TULP4: variants seen among roughly 807,000 people sequenced by gnomAD.
TULP4 encodes the protein TUB like protein 4, also known as tubby-related protein 4.
A neutral mutation model predicts 129.0 loss-of-function variants in TULP4; 16 were observed. The ratio of observed to expected loss-of-function variants is 0.12; its 90% confidence interval spans 0.08 to 0.19. TULP4 has a LOEUF of 0.19. Among genes scored for constraint, TULP4 ranks in the 10% least tolerant of loss-of-function variants. The probability of loss-of-function intolerance (pLI) is 1.00; values close to 1 mark genes in which losing one functional copy is unlikely to be tolerated. For synonymous variants in TULP4, 998 were observed against 854.0 expected, an observed-to-expected ratio of 1.17 and a Z score of -2.94; for missense variants, 1,842 against 2,059.1, an observed-to-expected ratio of 0.89 and a Z score of 2.04.
At position 158,493,678 on chromosome 6, in the gene TULP4, C is replaced by A; in HGVS notation, c.1737C>A (p.Ser579Arg). ...GCAAGCCCTCTGTGGGCTCGCCCAGCCTGACTCGGAGAGAGTTTCCTTTTG... is the reference window on the plus strand; with the variant it reads ...GCAAGCCCTCTGTGGGCTCGCCCAGACTGACTCGGAGAGAGTTTCCTTTTG... Reference protein sequence around the residue: ...PLRKPSVGSPSLTRREFPFED... With the variant: ...PLRKPSVGSPRLTRREFPFED... Residue 579 changes from serine to arginine, a missense_variant, in exon 10 of 14, where the codon AGC becomes AGA. By Grantham distance (110) the Ser-to-Arg change is moderately radical (BLOSUM62 -1). Transcript: ENST00000367097. The surrounding 1 kb of genome is among the most constrained non-coding windows in gnomAD (Gnocchi z 4.4). 1 of 1,596,000 alleles carries A rather than the reference C, an allele frequency of 6.3e-7. No individual in the cohort carries two copies. The highest frequency in any genetic ancestry group is 8.5e-7 in the Non-Finnish European group (1 of 1,171,558).
At chr6:158,418,122 C>A in intron 2 of TULP4, among the ~76,000 whole-genome samples, 1 of 138,872 alleles carries the variant, frequency 7.2e-6, no homozygotes, top group African/African-American at 2.7e-5. Context: ...TTTTTGGGAG[C>A]GGGGGAGACA....
chr6:158,459,787 A>C (rs1475782847), intron 5 of TULP4, among the ~76,000 whole-genome samples: 1 of 152,188 alleles, frequency 6.6e-6, no homozygotes, highest in Non-Finnish European at 1.5e-5. Context: ...CTTTGTTACT[A>C]CTATGACTGT....
At chr6:158,436,437 A>T (rs1778754327) in intron 3 of TULP4, among the ~76,000 whole-genome samples, 1 of 152,246 alleles carries the variant, frequency 6.6e-6, no homozygotes, top group South Asian at 2.1e-4. Flanking sequence ...ACTTCACTTT[A>T]TATAGTGGAT....
At chr6:158,329,217 G>T (rs963874977) in intron 1 of TULP4, among the ~76,000 whole-genome samples, 8 of 152,112 alleles carry the variant, frequency 5.3e-5, no homozygotes, top group African/African-American at 1.9e-4. Context: ...ACTGACATGT[G>T]TTGTTTTTTC....
At position 158,393,764 on chromosome 6, in the gene TULP4, T is replaced by A. The variant is rs530789297; in HGVS notation, c.253-19301T>A. On this transcript the variant is annotated intron_variant, in intron 1 of 13. Transcript: ENST00000367097. ...CTGGGCCCAGCCCACTAATTCATTT[T>A]TTCTTCCTAGGCCTCCAGAGCTGTG... is the stretch of plus-strand genomic sequence containing the variant. Among the ~76,000 whole-genome samples the A allele has an allele frequency of 4.6e-5, 7 of 152,338 alleles. No individual in the cohort carries two copies. In the East Asian group the frequency reaches 1.4e-3, roughly 29 times the overall value.
rs769390438 is a variant in TULP4 at position 158,510,210 on chromosome 6, A to T, written c.*3516A>T. 5 of 152,658 alleles carry T rather than the reference A, an allele frequency of 3.3e-5. No individual in the cohort carries two copies. Among genetic ancestry groups the T allele is most frequent in the Admixed American group, 6.5e-5 (1 of 15,286 alleles). The allele number at this position is 152,658 out of a possible 1,614,324, so 9.5% of individuals were successfully genotyped here. ...AGGAAAATCTCAAAGCTCTAATGGC[A>T]GCATAAATCAAAGAATTTCACAGGC... On this transcript the variant is annotated 3_prime_UTR_variant, in exon 14 of 14. Coordinates refer to ENST00000367097, the MANE Select transcript of TULP4 (RefSeq NM_020245.5).
At chr6:158,435,677 C>G (rs751224430) in intron 3 of TULP4, among the ~76,000 whole-genome samples, 1 of 152,120 alleles carries the variant, frequency 6.6e-6, no homozygotes, top group South Asian at 2.1e-4. Context: ...CCGCGCTCAT[C>G]GCTCTTGTCC....
chr6:158,404,588 C>CAG (rs1777932334), intron 1 of TULP4, among the ~76,000 whole-genome samples: 1 of 151,830 alleles, frequency 6.6e-6, no homozygotes, highest in Non-Finnish European at 1.5e-5. Context: ...CCAGCCTGAC[C>CAG]AACATGGTGA....
intron 1 of TULP4, among the ~76,000 whole-genome samples, chr6:158,337,155 CAG>C (rs1780064181): frequency 2.1e-5 from 1 of 47,950 alleles, no homozygotes; most frequent in Non-Finnish European, 3.7e-5. Flanking sequence ...TTTTTTGAGA[CAG>C]AGTCTTTCTC....
chr6:158,498,410 T>G (rs745575267), intron 11 of TULP4, among the ~76,000 whole-genome samples: 8 of 152,256 alleles, frequency 5.3e-5, no homozygotes, highest in Non-Finnish European at 8.8e-5. Context: ...AATTTGTAGT[T>G]CTGTAGACAA....
At chr6:158,464,346 T>G (rs1779508783) in intron 6 of TULP4, among the ~76,000 whole-genome samples, 1 of 152,202 alleles carries the variant, frequency 6.6e-6, no homozygotes, top group South Asian at 2.1e-4. Flanking sequence ...ACAGGTGGAT[T>G]CAAAGATTTT....
chr6:158,495,763 C>T lies in TULP4; in HGVS notation c.1870+917C>T, dbSNP rs575506258. Reference sequence around the variant, plus strand: ...GCTGAGGCAGGAGAATCACTTGAACCCAGGGGGCGGAGGTTGCTGTGAGCC... The same window carrying T: ...GCTGAGGCAGGAGAATCACTTGAACTCAGGGGGCGGAGGTTGCTGTGAGCC... On this transcript the variant is annotated intron_variant, in intron 11 of 13. Transcript: ENST00000367097. 1.5e-3 allele frequency among the ~76,000 whole-genome samples: 226 copies of T among 152,088 alleles called. 3 individuals carry two copies. The highest frequency in any genetic ancestry group is 2.2e-4 in the Non-Finnish European group (15 of 67,992).
chr6:158,418,099 G>GTGT (rs1409031516), intron 2 of TULP4, among the ~76,000 whole-genome samples: 160 of 134,262 alleles, frequency 1.2e-3, no homozygotes, highest in African/African-American at 3.8e-3. Context: ...GTGTGTGTGT[G>GTGT]TTTTTTTTTT....
At chr6:158,491,260 G>C (rs1053020012) in intron 9 of TULP4, among the ~76,000 whole-genome samples, 8 of 152,080 alleles carry the variant, frequency 5.3e-5, no homozygotes, top group African/African-American at 1.9e-4. Context: ...GTTTAATTCT[G>C]ATATCTCCAG....
chr6:158,479,601 A>G (rs1779893405), intron 6 of TULP4, 150 bp from the exon 7 acceptor site: 1 of 711,122 alleles, frequency 1.4e-6, no homozygotes, highest in African/African-American at 1.8e-5. Context: ...AATTTTCGTA[A>G]TATAGTGTCT....
At chr6:158,469,387 CCT>C (rs1779623420) in intron 6 of TULP4, among the ~76,000 whole-genome samples, 1 of 152,042 alleles carries the variant, frequency 6.6e-6, no homozygotes, top group South Asian at 2.1e-4. Flanking sequence ...GATTCTCCCA[CCT>C]CTGTCTCCCG....
chr6:158,409,928 T>C (rs1405003872), intron 1 of TULP4, among the ~76,000 whole-genome samples: 1 of 152,082 alleles, frequency 6.6e-6, no homozygotes, highest in Non-Finnish European at 1.5e-5. Flanking sequence ...TGATCTCGGC[T>C]CACTGCAAGC....
At chr6:158,241,616 A>G (rs537580871) in intron 1 of TULP4, among the ~76,000 whole-genome samples, 10 of 150,002 alleles carry the variant, frequency 6.7e-5, no homozygotes, top group African/African-American at 2.2e-4. Flanking sequence ...TTTTTTTGAG[A>G]TGGTGTCTCG....
At position 158,389,938 on chromosome 6, in the gene TULP4, C is replaced by T. The variant is rs573357649; in HGVS notation, c.253-23127C>T. ...CCAGCCTGGCTAACATGGTGAAACC[C>T]TATCTCTACTAAAAATATAAAAGTT... On this transcript the variant is annotated intron_variant, in intron 1 of 13. Coordinates refer to ENST00000367097, the MANE Select transcript of TULP4 (RefSeq NM_020245.5). 3.6e-3 allele frequency among the ~76,000 whole-genome samples: 555 copies of T among 152,166 alleles called. 2 individuals carry two copies. The highest frequency in any genetic ancestry group is 0.013 in the African/African-American group (526 of 41,486).
Sources: allele counts gnomAD v4.1 joint callset (sites outside exome capture counted in the v4.1 genomes callset), GRCh38; gene constraint gnomAD v4.1.1; non-coding constraint Gnocchi (gnomAD v3.1); transcripts MANE v1.5; gene names NCBI Gene and HGNC (gene_info 2026-07-23, HGNC 2026-07-21).